PIK3R5: variants seen among roughly 807,000 people sequenced by gnomAD.
PIK3R5 encodes phosphoinositide 3-kinase regulatory subunit 5.
PIK3R5 carries 32 observed loss-of-function variants against 94.9 expected under a neutral mutation model. The observed-to-expected ratio is 0.34, with a 90% CI of 0.25 to 0.45. The LOEUF (loss-of-function observed/expected upper bound fraction) is 0.45. PIK3R5 is among the 20% of genes least tolerant of loss of function. The pLI is 1.00. For synonymous variants in PIK3R5, 443 were observed against 479.4 expected, an observed-to-expected ratio of 0.92 and a Z score of 0.99; for missense variants, 853 against 1,144.6, an observed-to-expected ratio of 0.75 and a Z score of 3.68.
At chr17:8,948,571 G>A (rs934497997) in intron 1 of PIK3R5, among the ~76,000 whole-genome samples, 10 of 152,116 alleles carry the variant, frequency 6.6e-5, no homozygotes, top group African/African-American at 1.9e-4. Context: ...GAGGTGCTCC[G>A]CTTCATTAGT....
intron 1 of PIK3R5, among the ~76,000 whole-genome samples, chr17:8,947,777 C>G (rs772123371): frequency 1.3e-5 from 2 of 152,114 alleles, no homozygotes; most frequent in Non-Finnish European, 2.9e-5. Context: ...GGTGCGGTGG[C>G]TCATGCCTGT....
In PIK3R5 at chr17:8,903,260, T is replaced by C. The variant is rs1384893696; in HGVS notation, c.412+1517A>G. 2.6e-5 allele frequency among the ~76,000 whole-genome samples: 4 copies of C among 151,916 alleles called. No individual in the cohort carries two copies. The East Asian group carries it at 7.7e-4, about 29-fold the overall frequency. On this transcript the variant is annotated intron_variant, in intron 5 of 18. Transcript: ENST00000447110. ...TTGAGGATGCCACTTTGTCATATAA[T>C]ATAATTTTGTATATTTAATATATTT...
intron 14 of PIK3R5, 71 bp downstream of exon 14, chr17:8,886,158 C>G: frequency 8.3e-7 from 1 of 1,208,836 alleles, no homozygotes; most frequent in Non-Finnish European, 1.2e-6. Context: ...GGTAACCCCA[C>G]CTCCACAGAG....
chr17:8,920,872 G>A (rs1389650578), intron 1 of PIK3R5, among the ~76,000 whole-genome samples: 7 of 130,522 alleles, frequency 5.4e-5, no homozygotes, highest in Admixed American at 1.7e-4. Flanking sequence ...ATGGAGTTTC[G>A]CTCTAGTTGC....
chr17:8,937,706 A>G (rs2091099679), intron 1 of PIK3R5, among the ~76,000 whole-genome samples: 1 of 152,070 alleles, frequency 6.6e-6, no homozygotes, highest in Non-Finnish European at 1.5e-5. Context: ...TTTTTGTAAT[A>G]TTTTTGTCCG....
At chr17:8,927,901 T>C (rs561379755) in intron 1 of PIK3R5, among the ~76,000 whole-genome samples, 2 of 152,264 alleles carry the variant, frequency 1.3e-5, no homozygotes, top group African/African-American at 4.8e-5. Context: ...GCCTGGCACC[T>C]TCCCCCTGCA....
At chr17:8,950,025 C>G (rs1338673705) in intron 1 of PIK3R5, among the ~76,000 whole-genome samples, 5 of 152,184 alleles carry the variant, frequency 3.3e-5, no homozygotes, top group Admixed American at 6.5e-5. Context: ...AGGGAAAGAT[C>G]CAGGAACCAC....
At chr17:8,957,876 C>T (rs1041798183) in intron 1 of PIK3R5, among the ~76,000 whole-genome samples, 19 of 152,206 alleles carry the variant, frequency 1.2e-4, no homozygotes, top group African/African-American at 4.3e-4. Flanking sequence ...CAAGGAGCAG[C>T]TCATTCCCCG....
rs572824692 is a variant in PIK3R5 at position 8,954,398 on chromosome 17, C to T, written c.-14+11198G>A. Among the ~76,000 whole-genome samples, 4 of 152,348 alleles carry T rather than the reference C, an allele frequency of 2.6e-5. No homozygotes were observed. The South Asian group carries it at 6.2e-4, about 24-fold the overall frequency. ...TCCAGAAATCCCTCAACAGTTTCTT[C>T]GCCTTACTCCCTCTGAAAACACAGC... is the stretch of plus-strand genomic sequence containing the variant. On this transcript the variant is annotated intron_variant, in intron 1 of 18. Transcript: ENST00000447110.
At chr17:8,931,985 G>A (rs1184534815) in intron 1 of PIK3R5, among the ~76,000 whole-genome samples, 1 of 152,150 alleles carries the variant, frequency 6.6e-6, no homozygotes, top group Non-Finnish European at 1.5e-5. Context: ...AGAAAATCCA[G>A]ACGCTCAACA....
At position 8,890,658 on chromosome 17, in the gene PIK3R5, C is replaced by A. The variant is rs553344043; in HGVS notation, c.657+80G>T. On this transcript the variant is annotated intron_variant, in intron 7 of 18. Coordinates refer to ENST00000447110, the MANE Select transcript of PIK3R5 (RefSeq NM_001142633.3). The surrounding 1 kb of genome is among the most constrained non-coding windows in gnomAD (Gnocchi z 6.1). ...AGGAGACTAAGTGTACCCTGGAGACCGTGGCTGAGATGAAGCAGGGAGAGG... is the reference window on the plus strand; with the variant it reads ...AGGAGACTAAGTGTACCCTGGAGACAGTGGCTGAGATGAAGCAGGGAGAGG... 37 of 1,273,208 alleles carry A rather than the reference C, an allele frequency of 2.9e-5. No individual in the cohort carries two copies. The highest frequency in any genetic ancestry group is 3.9e-5 in the Non-Finnish European group (36 of 921,474). 78.9% of individuals were successfully genotyped at this position (1,273,208 alleles called of 1,614,324 possible).
Position 8,893,046 on chromosome 17 carries a change from CTGTGTGTG to C in PIK3R5, c.482+532_482+539del, listed in dbSNP as rs199732856. ...GTAACCAGGATACATTTCATTTCAGCTGTGTGTGTGTGTGTGTGTGTGTGTGTGTGTGT... is the reference window on the plus strand; with the variant it reads ...GTAACCAGGATACATTTCATTTCAGCTGTGTGTGTGTGTGTGTGTGTGTGT... On this transcript the variant is annotated intron_variant, in intron 6 of 18. Coordinates refer to ENST00000447110, the MANE Select transcript of PIK3R5 (RefSeq NM_001142633.3). This position sits in a 1 kb window ranked among gnomAD's most constrained non-coding sequence, Gnocchi z 5.1. Among the ~76,000 whole-genome samples, 3 of 135,788 alleles carry C rather than the reference CTGTGTGTG, an allele frequency of 2.2e-5. No individual in the cohort carries two copies. The highest frequency in any genetic ancestry group is 3.1e-5 in the Non-Finnish European group (2 of 64,304). The allele number at this position is 135,788 out of a possible 152,430, so 89.1% of individuals were successfully genotyped here.
rs183225897 is a variant in PIK3R5, at chr17:8,913,509, C to T, written c.-13-2002G>A. ...ATCACTTGAGGTCAGGATTTCGAATCCAGCCTGGCCAACATCTTGAAACCC... is the reference window on the plus strand; with the variant it reads ...ATCACTTGAGGTCAGGATTTCGAATTCAGCCTGGCCAACATCTTGAAACCC... On this transcript the variant is annotated intron_variant, in intron 1 of 18. Transcript: ENST00000447110. Among the ~76,000 whole-genome samples the T allele has an allele frequency of 3.7e-3, 568 of 152,092 alleles. 2 individuals carry two copies. The highest frequency in any genetic ancestry group is 0.01 in the Middle Eastern group (3 of 294).
chr17:8,924,245 ATT>A (rs111503577), intron 1 of PIK3R5, among the ~76,000 whole-genome samples: 2,034 of 138,114 alleles, frequency 0.015, 18 homozygotes, highest in Admixed American at 0.022. Context: ...TGCCTGGCTA[ATT>A]TTTTTTTTTT....
At chr17:8,920,673 A>G (rs2090723324) in intron 1 of PIK3R5, among the ~76,000 whole-genome samples, 1 of 152,178 alleles carries the variant, frequency 6.6e-6, no homozygotes, top group Non-Finnish European at 1.5e-5. Context: ...GTTTTCTGAC[A>G]ATATCATTCA....
rs765477569 is a variant in PIK3R5 at position 8,890,290 on chromosome 17, C to T, written c.658-164G>A. Among the ~76,000 whole-genome samples the T allele has an allele frequency of 6.6e-6, 1 of 152,136 alleles. No homozygotes were observed. Among genetic ancestry groups the T allele is most frequent in the Non-Finnish European group, 1.5e-5 (1 of 68,024 alleles). On this transcript the variant is annotated intron_variant, in intron 7 of 18. Coordinates refer to ENST00000447110, the MANE Select transcript of PIK3R5 (RefSeq NM_001142633.3). The surrounding 1 kb of genome is among the most constrained non-coding windows in gnomAD (Gnocchi z 6.1). Reference sequence around the variant, plus strand: ...GCCAGGCAGCCAGGCCTCTCCCTGCCCTTCCATTCTCAGGAAATGGTCAGG... The same window carrying T: ...GCCAGGCAGCCAGGCCTCTCCCTGCTCTTCCATTCTCAGGAAATGGTCAGG...
In PIK3R5 at chr17:8,893,058, G is replaced by A. The variant is rs1178927057; in HGVS notation, c.482+528C>T. On this transcript the variant is annotated intron_variant, in intron 6 of 18. Transcript: ENST00000447110. This position sits in a 1 kb window ranked among gnomAD's most constrained non-coding sequence, Gnocchi z 5.1. ...CATTTCATTTCAGCTGTGTGTGTGTGTGTGTGTGTGTGTGTGTGTGTGTGT... is the reference window on the plus strand; with the variant it reads ...CATTTCATTTCAGCTGTGTGTGTGTATGTGTGTGTGTGTGTGTGTGTGTGT... Among the ~76,000 whole-genome samples the A allele has an allele frequency of 1.5e-5, 2 of 134,330 alleles. No homozygotes were observed. Among genetic ancestry groups the A allele is most frequent in the African/African-American group, 6.6e-5 (2 of 30,128 alleles). The allele number at this position is 134,330 out of a possible 152,430, so 88.1% of individuals were successfully genotyped here.
At chr17:8,946,471 A>G (rs1303565757) in intron 1 of PIK3R5, among the ~76,000 whole-genome samples, 1 of 151,746 alleles carries the variant, frequency 6.6e-6, no homozygotes, top group Non-Finnish European at 1.5e-5. Context: ...AACTACTATG[A>G]GACAGCACCA....
chr17:8,914,574 C>T (rs545268657), intron 1 of PIK3R5, among the ~76,000 whole-genome samples: 5 of 152,270 alleles, frequency 3.3e-5, no homozygotes, highest in African/African-American at 1.2e-4. Context: ...TCCTTCTCTC[C>T]GCAAAGCTGA....
Sources: allele counts gnomAD v4.1 joint callset (sites outside exome capture counted in the v4.1 genomes callset), GRCh38; gene constraint gnomAD v4.1.1; non-coding constraint Gnocchi (gnomAD v3.1); transcripts MANE v1.5; gene names NCBI Gene and HGNC (gene_info 2026-07-23, HGNC 2026-07-21).